The following CTNNA2 variants were observed in gnomAD, a reference collection of about 807,000 sequenced individuals.
CTNNA2 encodes the protein catenin alpha 2.
In CTNNA2, 42 loss-of-function variants were observed where a neutral mutation model predicts 101.0. That is an observed-to-expected ratio of 0.42 (90% CI 0.32 to 0.54). The LOEUF (loss-of-function observed/expected upper bound fraction) is 0.54. Ranked by LOEUF, CTNNA2 falls within the 20% of genes least tolerant of loss-of-function variation. CTNNA2 has a pLI of 0.14. For synonymous variants in CTNNA2, 450 were observed against 456.4 expected, an observed-to-expected ratio of 0.99 and a Z score of 0.18; for missense variants, 871 against 1,223.1, an observed-to-expected ratio of 0.71 and a Z score of 4.29.
At chr2:80,241,468 G>GAT (rs1670934910) in intron 7 of CTNNA2, among the ~76,000 whole-genome samples, 4 of 151,742 alleles carry the variant, frequency 2.6e-5, no homozygotes, top group East Asian at 1.9e-4. Flanking sequence ...CTGGGGCCTA[G>GAT]ATATATATAT....
rs115374273 is a variant in CTNNA2, at chr2:79,742,892, A to G, written c.103-1495A>G. 7.0e-3 allele frequency among the ~76,000 whole-genome samples: 1,065 copies of G among 152,242 alleles called. 17 individuals are homozygous for G. Among genetic ancestry groups the G allele is most frequent in the African/African-American group, 0.024 (1,017 of 41,540 alleles). On this transcript the variant is annotated intron_variant, in intron 2 of 18. Coordinates refer to ENST00000402739, the MANE Select transcript of CTNNA2 (RefSeq NM_001282597.3). ...CCCAACCCTGCACTAATCACCTCTT[A>G]AGTATTGGTTCTATCTATACACATC...
intron 7 of CTNNA2, among the ~76,000 whole-genome samples, chr2:80,259,595 G>C (rs530636680): frequency 1.2e-4 from 19 of 152,254 alleles, no homozygotes; most frequent in African/African-American, 4.6e-4. Flanking sequence ...AGAAGTCTCA[G>C]TTCACTCACC....
At chr2:79,361,293 G>A (rs1313961778) in intron 3 of CTNNA2, among the ~76,000 whole-genome samples, 1 of 152,080 alleles carries the variant, frequency 6.6e-6, no homozygotes, top group Non-Finnish European at 1.5e-5. Context: ...AGAGTTAAAA[G>A]TATTCTTAAG....
chr2:80,353,163 C>G (rs1673470877), intron 7 of CTNNA2, among the ~76,000 whole-genome samples: 1 of 152,030 alleles, frequency 6.6e-6, no homozygotes, highest in Admixed American at 6.6e-5. Flanking sequence ...ATTAGTATTT[C>G]CCCTCCATTT....
intron 2 of CTNNA2, among the ~76,000 whole-genome samples, chr2:79,225,645 G>A (rs574853219): frequency 6.6e-6 from 1 of 152,278 alleles, no homozygotes; most frequent in Admixed American, 6.5e-5. Flanking sequence ...AAAGTCAACT[G>A]CTAGGGACAT....
intron 9 of CTNNA2, among the ~76,000 whole-genome samples, chr2:80,430,483 G>A (rs1385759044): frequency 6.6e-6 from 1 of 152,110 alleles, no homozygotes; most frequent in African/African-American, 2.4e-5. Flanking sequence ...CAAGTTCCCT[G>A]GGGTCCATGT....
intron 7 of CTNNA2, among the ~76,000 whole-genome samples, chr2:80,243,474 A>G (rs1671094550): frequency 6.6e-6 from 1 of 152,068 alleles, no homozygotes; most frequent in African/African-American, 2.4e-5. Context: ...TTCTGTTAGT[A>G]TATATTAGTT....
intron 1 of CTNNA2, among the ~76,000 whole-genome samples, chr2:79,561,629 A>G (rs2104133475): frequency 6.6e-6 from 1 of 151,842 alleles, no homozygotes; most frequent in East Asian, 1.9e-4. Context: ...TAGCCATGGT[A>G]GTGAGTGTGA....
chr2:79,667,809 G>A (rs1241846258), intron 2 of CTNNA2, among the ~76,000 whole-genome samples: 1 of 152,148 alleles, frequency 6.6e-6, no homozygotes, highest in Non-Finnish European at 1.5e-5. Flanking sequence ...ATTTATTAAT[G>A]TATTCAGGTT....
At chr2:80,108,569 A>G (rs1701024120) in intron 7 of CTNNA2, among the ~76,000 whole-genome samples, 1 of 152,128 alleles carries the variant, frequency 6.6e-6, no homozygotes, top group African/African-American at 2.4e-5. Context: ...CCAGGCAAAT[A>G]TTATTGTTTC....
chr2:79,946,177 G>T (rs1478556994), intron 7 of CTNNA2, among the ~76,000 whole-genome samples: 1 of 152,060 alleles, frequency 6.6e-6, no homozygotes, highest in Non-Finnish European at 1.5e-5. Context: ...GCCCAGAGAG[G>T]TTAATGTGCT....
chr2:79,814,179 CGT>C (rs1677277936), intron 3 of CTNNA2, among the ~76,000 whole-genome samples: 1 of 152,058 alleles, frequency 6.6e-6, no homozygotes. Context: ...ATGATTTCAT[CGT>C]GAGGTCCGAC....
chr2:79,425,641 C>T (rs1678584565), intron 4 of CTNNA2, among the ~76,000 whole-genome samples: 1 of 152,006 alleles, frequency 6.6e-6, no homozygotes, highest in African/African-American at 2.4e-5. Flanking sequence ...CTTAAAAGGC[C>T]CCACCTTTTA....
At chr2:79,470,629 A>G (rs1437741706) in intron 4 of CTNNA2, among the ~76,000 whole-genome samples, 2 of 152,172 alleles carry the variant, frequency 1.3e-5, no homozygotes, top group African/African-American at 2.4e-5. Flanking sequence ...TATAAAATTG[A>G]CATGCTGGAT....
At chr2:80,060,714 A>T (rs1697528853) in intron 7 of CTNNA2, among the ~76,000 whole-genome samples, 1 of 151,950 alleles carries the variant, frequency 6.6e-6, no homozygotes, top group African/African-American at 2.4e-5. Flanking sequence ...CCTTCAAAAC[A>T]CACCCTAAAT....
intron 11 of CTNNA2, among the ~76,000 whole-genome samples, chr2:80,551,864 G>A (rs1692585006): frequency 2.0e-5 from 3 of 152,076 alleles, no homozygotes; most frequent in African/African-American, 4.8e-5. Flanking sequence ...TGGCTGTTTG[G>A]CCTCTCTTGA....
At chr2:79,451,904 T>G (rs1316347437) in intron 4 of CTNNA2, among the ~76,000 whole-genome samples, 1 of 151,994 alleles carries the variant, frequency 6.6e-6, no homozygotes, top group Non-Finnish European at 1.5e-5. Flanking sequence ...CTAGCACAAC[T>G]ATTTTTCAAT....
At chr2:79,885,115 A>G (rs996135999) in intron 6 of CTNNA2, among the ~76,000 whole-genome samples, 1 of 152,120 alleles carries the variant, frequency 6.6e-6, no homozygotes, top group African/African-American at 2.4e-5. Flanking sequence ...AAGGGACATT[A>G]AGAGGTTGCA....
intron 7 of CTNNA2, among the ~76,000 whole-genome samples, chr2:80,276,049 T>G (rs1673876604): frequency 6.6e-6 from 1 of 152,184 alleles, no homozygotes; most frequent in African/African-American, 2.4e-5. Flanking sequence ...GTTGGGAATT[T>G]AAAGAAAGCT....
Sources: allele counts gnomAD v4.1 joint callset (sites outside exome capture counted in the v4.1 genomes callset), GRCh38; gene constraint gnomAD v4.1.1; transcripts MANE v1.5; gene names NCBI Gene and HGNC (gene_info 2026-07-23, HGNC 2026-07-21).